ELP4: variants seen among roughly 807,000 people sequenced by gnomAD.
ELP4 encodes elongator complex protein 4.
In ELP4, 51 loss-of-function variants were observed where a neutral mutation model predicts 48.9. That is an observed-to-expected ratio of 1.04 (90% CI 0.83 to 1.32). The LOEUF is 1.32. ELP4 is among the 40% of genes most tolerant of loss of function. The probability of loss-of-function intolerance (pLI) is 0.00; values close to 1 mark genes in which losing one functional copy is unlikely to be tolerated. For missense variants in ELP4, 519 were observed against 514.6 expected, an observed-to-expected ratio of 1.01 and a Z score of -0.08; for synonymous variants, 210 against 189.2, an observed-to-expected ratio of 1.11 and a Z score of -0.90.
At chr11:31,676,803 C>G (rs1945935166) in intron 9 of ELP4, among the ~76,000 whole-genome samples, 1 of 152,122 alleles carries the variant, frequency 6.6e-6, no homozygotes, top group South Asian at 2.1e-4. Context: ...TGGCTAAGTT[C>G]CAATTCAAGC....
At chr11:31,764,192 G>A (rs1356531370) in intron 9 of ELP4, among the ~76,000 whole-genome samples, 2 of 152,062 alleles carry the variant, frequency 1.3e-5, no homozygotes, top group East Asian at 1.9e-4. Context: ...ATACCTAGGT[G>A]GACAAACACA....
intron 3 of ELP4, among the ~76,000 whole-genome samples, chr11:31,593,418 A>G (rs1014049499): frequency 4.6e-5 from 7 of 151,862 alleles, no homozygotes; most frequent in African/African-American, 4.8e-5. Flanking sequence ...ATCTTTTTGT[A>G]TTTTTTGTAG....
At chr11:31,643,120 C>T (rs1277523820) in intron 7 of ELP4, among the ~76,000 whole-genome samples, 2 of 151,720 alleles carry the variant, frequency 1.3e-5, no homozygotes, top group South Asian at 2.1e-4. Context: ...CTCCCCTCCC[C>T]GCTCTCTCCC....
chr11:31,695,788 A>G (rs4922572), intron 9 of ELP4, among the ~76,000 whole-genome samples: 94,423 of 102,892 alleles, frequency 0.92, 44,047 homozygotes, highest in Non-Finnish European at 1. Context: ...CTGTGAATCC[A>G]TCTGATCCTG....
At chr11:31,581,505 T>C (rs1592136264) in intron 3 of ELP4, among the ~76,000 whole-genome samples, 1 of 150,292 alleles carries the variant, frequency 6.7e-6, no homozygotes, top group East Asian at 1.9e-4. Context: ...CAGTCCATTG[T>C]TGCTGTTATA....
intron 3 of ELP4, among the ~76,000 whole-genome samples, chr11:31,566,866 G>T (rs922636621): frequency 6.6e-6 from 1 of 151,818 alleles, no homozygotes; most frequent in Non-Finnish European, 1.5e-5. Flanking sequence ...TATAAAAAAA[G>T]AAGCACAACA....
chr11:31,707,339 A>G (rs1003411469), intron 9 of ELP4: 1 of 237,050 alleles, frequency 4.2e-6, no homozygotes, highest in African/African-American at 2.2e-5. Context: ...ACCTCATTTT[A>G]CCACGTGTAA....
intron 3 of ELP4, among the ~76,000 whole-genome samples, chr11:31,542,802 C>T (rs1304127783): frequency 6.6e-6 from 1 of 151,622 alleles, no homozygotes; most frequent in Non-Finnish European, 1.5e-5. Context: ...TAAGAAAGTA[C>T]AATTTATAAT....
At chr11:31,690,864 TA>T (rs572388750) in intron 9 of ELP4, among the ~76,000 whole-genome samples, 89 of 151,572 alleles carry the variant, frequency 5.9e-4, no homozygotes, top group African/African-American at 2.1e-3. Context: ...CAAGGCCTTT[TA>T]AAGGTACTTT....
chr11:31,675,117 A>C (rs1315736433), intron 9 of ELP4, among the ~76,000 whole-genome samples: 1 of 152,162 alleles, frequency 6.6e-6, no homozygotes, highest in Non-Finnish European at 1.5e-5. Context: ...TCCTTAGCAT[A>C]TACATTCTTA....
At chr11:31,696,901 A>G (rs920623538) in intron 9 of ELP4, among the ~76,000 whole-genome samples, 1 of 152,126 alleles carries the variant, frequency 6.6e-6, no homozygotes, top group Admixed American at 6.6e-5. Context: ...TCAGTGTGCC[A>G]TATTCAGGAG....
chr11:31,608,638 T>C (rs1195265575), intron 5 of ELP4, among the ~76,000 whole-genome samples: 1 of 151,714 alleles, frequency 6.6e-6, no homozygotes. Context: ...CAGGAGGGAC[T>C]CTGGTTGCGG....
At chr11:31,745,518 G>A (rs895486625) in intron 9 of ELP4, among the ~76,000 whole-genome samples, 1 of 152,152 alleles carries the variant, frequency 6.6e-6, no homozygotes, top group Non-Finnish European at 1.5e-5. Context: ...AACCAAAACA[G>A]CATGGTACTG....
chr11:31,543,505 G>GGTTTCACCTACT (rs1268489797), intron 3 of ELP4, among the ~76,000 whole-genome samples: 31 of 152,164 alleles, frequency 2.0e-4, no homozygotes, highest in African/African-American at 7.0e-4. Context: ...ATTTTTAGTA[G>GGTTTCACCTACT]AGACGGGGTT....
intron 3 of ELP4, among the ~76,000 whole-genome samples, chr11:31,590,086 A>C (rs761702048): frequency 6.6e-6 from 1 of 152,124 alleles, no homozygotes; most frequent in Non-Finnish European, 1.5e-5. Context: ...TTTATGTTTC[A>C]GTTTCCCATT....
In ELP4 at chr11:31,757,655, C is replaced by G. The variant is rs540495951; in HGVS notation, c.1144-25738C>G. 3.9e-5 allele frequency among the ~76,000 whole-genome samples: 6 copies of G among 152,254 alleles called. 1 individual carries two copies. In the South Asian group the frequency reaches 1.2e-3, roughly 32 times the overall value. On this transcript the variant is annotated intron_variant, in intron 9 of 9. Coordinates refer to ENST00000640961, the MANE Select transcript of ELP4 (RefSeq NM_019040.5). ...GAAGTTGAAAACACTTATGCATGTGCTCACATGCACACTAAACTTTGTCAG... is the reference window on the plus strand; with the variant it reads ...GAAGTTGAAAACACTTATGCATGTGGTCACATGCACACTAAACTTTGTCAG...
chr11:31,754,566 A>G (rs1387183746), intron 9 of ELP4, among the ~76,000 whole-genome samples: 2 of 151,758 alleles, frequency 1.3e-5, no homozygotes, highest in Non-Finnish European at 2.9e-5. Flanking sequence ...TGACCAACCT[A>G]TCTTTAAAAT....
At chr11:31,693,006 T>G (rs544003299) in intron 9 of ELP4, among the ~76,000 whole-genome samples, 1 of 152,274 alleles carries the variant, frequency 6.6e-6, no homozygotes, top group South Asian at 2.1e-4. Flanking sequence ...CACAAGTGTC[T>G]TGTTTATCGC....
At chr11:31,736,522 C>G (rs1592265921) in intron 9 of ELP4, among the ~76,000 whole-genome samples, 1 of 152,196 alleles carries the variant, frequency 6.6e-6, no homozygotes, top group East Asian at 1.9e-4. Flanking sequence ...AAGAAACTAC[C>G]ATCAGAGTGA....
Sources: allele counts gnomAD v4.1 joint callset (sites outside exome capture counted in the v4.1 genomes callset), GRCh38; gene constraint gnomAD v4.1.1; transcripts MANE v1.5; gene names NCBI Gene and HGNC (gene_info 2026-07-23, HGNC 2026-07-21).